Variants in CSMD3 observed in about 807,000 individuals in gnomAD.
CSMD3 encodes the protein CUB and Sushi multiple domains 3.
Under a neutral mutation model 435.2 loss-of-function variants are expected in CSMD3, and 177 were observed. That is an observed-to-expected ratio of 0.41 (90% CI 0.36 to 0.46). CSMD3 has a LOEUF of 0.46. Among genes scored for constraint, CSMD3 ranks in the 20% least tolerant of loss-of-function variants. The pLI is 0.34. For synonymous variants in CSMD3, 1,656 were observed against 1,520.5 expected, an observed-to-expected ratio of 1.09 and a Z score of -2.07; for missense variants, 4,265 against 4,504.6, an observed-to-expected ratio of 0.95 and a Z score of 1.52.
At chr8:112,732,125 A>G (rs1023344112) in intron 13 of CSMD3, among the ~76,000 whole-genome samples, 1 of 151,956 alleles carries the variant, frequency 6.6e-6, no homozygotes. Flanking sequence ...AATATTGCTC[A>G]TGCATTTGTA....
At chr8:112,689,638 C>T (rs969065418) in intron 14 of CSMD3, among the ~76,000 whole-genome samples, 2 of 151,960 alleles carry the variant, frequency 1.3e-5, no homozygotes, top group Non-Finnish European at 2.9e-5. Context: ...GTTGTAAGAA[C>T]ACACGTAATA....
intron 51 of CSMD3, 88 bp downstream of exon 51, chr8:112,305,919 G>T: frequency 1.8e-6 from 2 of 1,107,312 alleles, no homozygotes; most frequent in East Asian, 4.8e-5. Context: ...TTTAGGGATT[G>T]GTTTTTATAA....
At chr8:113,379,486 A>G (rs1057079492) in intron 1 of CSMD3, among the ~76,000 whole-genome samples, 3 of 152,234 alleles carry the variant, frequency 2.0e-5, no homozygotes, top group African/African-American at 7.2e-5. Context: ...GAGGCAGACC[A>G]TGAAGACTAA....
chr8:112,750,268 ATAT>A (rs1168507090), intron 13 of CSMD3, among the ~76,000 whole-genome samples: 1 of 151,632 alleles, frequency 6.6e-6, no homozygotes, highest in African/African-American at 2.4e-5. Context: ...TTTTAAAATT[ATAT>A]TATTGTATAA....
intron 9 of CSMD3, among the ~76,000 whole-genome samples, chr8:112,932,466 T>C (rs879281986): frequency 2.0e-5 from 3 of 152,174 alleles, no homozygotes; most frequent in Non-Finnish European, 4.4e-5. Context: ...CAGGGTGGTC[T>C]CAGTCTCCTG....
chr8:112,626,548 A>T (rs994059077), intron 22 of CSMD3, among the ~76,000 whole-genome samples: 2 of 151,866 alleles, frequency 1.3e-5, no homozygotes, highest in Non-Finnish European at 1.5e-5. Context: ...TTTTATTTTT[A>T]AAAAATGGAA....
intron 37 of CSMD3, among the ~76,000 whole-genome samples, chr8:112,382,115 A>AAACAT (rs1199258808): frequency 6.6e-6 from 1 of 151,854 alleles, no homozygotes; most frequent in Non-Finnish European, 1.5e-5. Flanking sequence ...CTCAGCTCTA[A>AAACAT]AAAATAAAAT....
At chr8:113,396,681 C>G (rs1416342318) in intron 1 of CSMD3, among the ~76,000 whole-genome samples, 3 of 151,952 alleles carry the variant, frequency 2.0e-5, no homozygotes, top group Non-Finnish European at 4.4e-5. Flanking sequence ...TTGATTAATT[C>G]GTACCAAAGT....
chr8:112,858,067 C>A (rs1380818691), intron 11 of CSMD3, among the ~76,000 whole-genome samples: 7 of 151,554 alleles, frequency 4.6e-5, no homozygotes, highest in Admixed American at 3.3e-4. Flanking sequence ...TGAGACAAAT[C>A]TAATAGTCCC....
chr8:113,179,356 A>G (rs1241283409), intron 3 of CSMD3, among the ~76,000 whole-genome samples: 1 of 151,776 alleles, frequency 6.6e-6, no homozygotes, highest in African/African-American at 2.4e-5. Flanking sequence ...ATGATCTTCT[A>G]GAGGTTGTGT....
chr8:112,732,117 T>C (rs1451140841), intron 13 of CSMD3, among the ~76,000 whole-genome samples: 1 of 151,934 alleles, frequency 6.6e-6, no homozygotes, highest in Non-Finnish European at 1.5e-5. Flanking sequence ...ACAATGTAAA[T>C]ATTGCTCATG....
At chr8:112,370,082 AAGTAGTAGT>A (rs377246718) in intron 38 of CSMD3, among the ~76,000 whole-genome samples, 4 of 103,454 alleles carry the variant, frequency 3.9e-5, no homozygotes, top group East Asian at 5.8e-4. Context: ...GAAGAAGAAG[AAGTAGTAGT>A]AGTAGTAGTA....
At chr8:113,020,875 CA>C (rs1469275032) in intron 5 of CSMD3, among the ~76,000 whole-genome samples, 1 of 152,104 alleles carries the variant, frequency 6.6e-6, no homozygotes, top group Non-Finnish European at 1.5e-5. Flanking sequence ...GGTGTAGGTA[CA>C]GGGATGCAAG....
At chr8:112,787,783 G>A (rs1483186641) in intron 13 of CSMD3, among the ~76,000 whole-genome samples, 4 of 152,144 alleles carry the variant, frequency 2.6e-5, no homozygotes, top group South Asian at 2.1e-4. Context: ...GGTAACCAGA[G>A]GCTGGGAATG....
At chr8:112,780,591 A>T (rs2078359181) in intron 13 of CSMD3, among the ~76,000 whole-genome samples, 1 of 152,056 alleles carries the variant, frequency 6.6e-6, no homozygotes, top group South Asian at 2.1e-4. Context: ...ACAGCCTTGC[A>T]CTGCCTACAC....
At chr8:112,852,620 A>G (rs1279838467) in intron 11 of CSMD3, among the ~76,000 whole-genome samples, 3 of 152,060 alleles carry the variant, frequency 2.0e-5, no homozygotes, top group African/African-American at 7.2e-5. Context: ...TTGTTCATCC[A>G]TTATCAATTA....
intron 2 of CSMD3, among the ~76,000 whole-genome samples, chr8:113,290,577 A>G: frequency 6.6e-6 from 1 of 151,746 alleles, no homozygotes; most frequent in East Asian, 1.9e-4. Flanking sequence ...TCCCAATACA[A>G]CTGGTAAATA....
At chr8:113,276,015 T>C (rs2093566999) in intron 3 of CSMD3, among the ~76,000 whole-genome samples, 1 of 152,030 alleles carries the variant, frequency 6.6e-6, no homozygotes, top group African/African-American at 2.4e-5. Flanking sequence ...AATTCCAAGA[T>C]AAGATTTCCG....
At chr8:112,974,982 T>C (rs928244980) in intron 7 of CSMD3, among the ~76,000 whole-genome samples, 3 of 151,932 alleles carry the variant, frequency 2.0e-5, no homozygotes, top group African/African-American at 7.2e-5. Context: ...TTCAATTAAT[T>C]AATGTTCTTA....
Sources: allele counts gnomAD v4.1 joint callset (sites outside exome capture counted in the v4.1 genomes callset), GRCh38; gene constraint gnomAD v4.1.1; transcripts MANE v1.5; gene names NCBI Gene and HGNC (gene_info 2026-07-23, HGNC 2026-07-21).